CRACDL: variants seen among roughly 807,000 people sequenced by gnomAD.
CRACDL encodes CRACD-like protein.
Under a neutral mutation model 70.6 loss-of-function variants are expected in CRACDL, and 26 were observed. The observed-to-expected ratio is 0.37, with a 90% CI of 0.27 to 0.51. The LOEUF (loss-of-function observed/expected upper bound fraction) is 0.51. CRACDL is among the 20% of genes least tolerant of loss of function. The pLI, the probability that CRACDL is intolerant of heterozygous loss-of-function variation, is 0.94. For synonymous variants in CRACDL, 618 were observed against 615.2 expected, an observed-to-expected ratio of 1.00 and a Z score of -0.07; for missense variants, 1,283 against 1,376.9, an observed-to-expected ratio of 0.93 and a Z score of 1.08.
At chr2:98,809,037 C>T (rs1054219186) in intron 7 of CRACDL, among the ~76,000 whole-genome samples, 1 of 152,230 alleles carries the variant, frequency 6.6e-6, no homozygotes, top group Non-Finnish European at 1.5e-5. Context: ...AGACTTCCAG[C>T]ACCTTCTCAG....
intron 7 of CRACDL, among the ~76,000 whole-genome samples, chr2:98,817,896 G>C (rs1240432796): frequency 6.6e-6 from 1 of 151,896 alleles, no homozygotes; most frequent in African/African-American, 2.4e-5. Flanking sequence ...ACCAACATGT[G>C]ACCATGACTT....
chr2:98,853,663 T>A lies in CRACDL; in HGVS notation c.-10-6853A>T, dbSNP rs1273712507. 4.6e-5 allele frequency among the ~76,000 whole-genome samples: 7 copies of A among 152,182 alleles called. No individual in the cohort carries two copies. The East Asian group carries it at 1.3e-3, about 29-fold the overall frequency. On this transcript the variant is annotated intron_variant, in intron 1 of 9. Transcript: ENST00000397899. ...TTTTTCTTTTCTAAATTTATTTAAA[T>A]GCATATAACAACTAAAAAAACTATT...
chr2:98,806,729 C>A (rs979392456), intron 7 of CRACDL, among the ~76,000 whole-genome samples: 26 of 152,304 alleles, frequency 1.7e-4, no homozygotes, highest in African/African-American at 6.0e-4. Context: ...TTAAAAATAA[C>A]TTTGAGCTAG....
intron 1 of CRACDL, among the ~76,000 whole-genome samples, chr2:98,916,717 A>G (rs895137452): frequency 2.0e-5 from 3 of 152,038 alleles, no homozygotes; most frequent in African/African-American, 7.2e-5. Flanking sequence ...TTTTAATTTT[A>G]AAAGTTCTAT....
At chr2:98,858,954 T>C (rs1267689938) in intron 1 of CRACDL, among the ~76,000 whole-genome samples, 1 of 152,000 alleles carries the variant, frequency 6.6e-6, no homozygotes, top group African/African-American at 2.4e-5. Flanking sequence ...AAAAAGAAAG[T>C]TTGAATAGAC....
chr2:98,820,489 G>A (rs977658856), intron 7 of CRACDL, among the ~76,000 whole-genome samples: 3 of 152,158 alleles, frequency 2.0e-5, no homozygotes, highest in South Asian at 4.1e-4. Context: ...AGCCAAGATC[G>A]TACCACTGCA....
At chr2:98,856,463 G>A (rs1438307606) in intron 1 of CRACDL, among the ~76,000 whole-genome samples, 1 of 151,568 alleles carries the variant, frequency 6.6e-6, no homozygotes, top group East Asian at 1.9e-4. Flanking sequence ...AAATATTAAA[G>A]GAAGTTCTTC....
intron 1 of CRACDL, among the ~76,000 whole-genome samples, chr2:98,921,084 C>A (rs1708789917): frequency 6.6e-6 from 1 of 152,220 alleles, no homozygotes; most frequent in African/African-American, 2.4e-5. Flanking sequence ...GGTCCCAGAA[C>A]CTTTCCAACA....
intron 1 of CRACDL, among the ~76,000 whole-genome samples, chr2:98,877,572 C>T (rs1055501521): frequency 1.4e-4 from 22 of 151,958 alleles, no homozygotes; most frequent in African/African-American, 5.3e-4. Flanking sequence ...ATGGTGAAAA[C>T]CCCGTTACTA....
chr2:98,887,754 C>A (rs771674110), intron 1 of CRACDL, among the ~76,000 whole-genome samples: 1 of 152,008 alleles, frequency 6.6e-6, no homozygotes, highest in African/African-American at 2.4e-5. Flanking sequence ...ATCTGGAAAG[C>A]TGCAAGAGAG....
intron 1 of CRACDL, among the ~76,000 whole-genome samples, chr2:98,880,244 G>A (rs1156429301): frequency 6.6e-6 from 1 of 152,186 alleles, no homozygotes; most frequent in Non-Finnish European, 1.5e-5. Context: ...AGTGACCAGA[G>A]GAGGACGGGC....
chr2:98,818,505 C>T (rs369878077), intron 7 of CRACDL, among the ~76,000 whole-genome samples: 76 of 152,198 alleles, frequency 5.0e-4, no homozygotes, highest in African/African-American at 1.7e-3. Flanking sequence ...CTGTACATGC[C>T]CTGGAGGGAG....
At chr2:98,844,152 G>T (rs564382662) in intron 2 of CRACDL, among the ~76,000 whole-genome samples, 4 of 152,142 alleles carry the variant, frequency 2.6e-5, no homozygotes, top group African/African-American at 7.2e-5. Flanking sequence ...CTGCAATCTC[G>T]GTATATTTGT....
intron 3 of CRACDL, 126 bp from the exon 4 acceptor site, chr2:98,833,123 C>T: frequency 1.2e-6 from 1 of 860,596 alleles, no homozygotes. Flanking sequence ...GCTGCATTTA[C>T]ATTTCAGTGG....
chr2:98,879,734 C>G (rs1707588429), intron 1 of CRACDL, among the ~76,000 whole-genome samples: 3 of 152,192 alleles, frequency 2.0e-5, no homozygotes. Context: ...TTAGTAAACA[C>G]AGGGTTTCGC....
At chr2:98,913,992 C>T (rs75219741) in intron 1 of CRACDL, among the ~76,000 whole-genome samples, 10 of 152,344 alleles carry the variant, frequency 6.6e-5, no homozygotes, top group East Asian at 1.9e-4. Flanking sequence ...ATGGAAGCCT[C>T]GGCTGCCTCC....
rs766219898 is a variant in CRACDL at position 98,821,913 on chromosome 2, C to G, written c.2360G>C (p.Arg787Pro). Residue 787 changes from arginine (R) to proline (P), a missense_variant, in exon 7 of 10, where the codon CGG (arginine) becomes CCG (proline). By Grantham distance (103) the Arg-to-Pro change is moderately radical. Coordinates refer to ENST00000397899, the MANE Select transcript of CRACDL (RefSeq NM_207362.3). The stretch of plus-strand genomic sequence containing the variant: ...CGTCCTGGGCTCCTTCCTGGGTTCC[C>G]GCTCTCCCGGGCCGGCGTCGGGGGG... ...PAPPDAGPGE[R>P]EPRKEPRTAE... The G allele has an allele frequency of 5.0e-6, 8 of 1,598,834 alleles. No homozygotes were observed. In the South Asian group the frequency reaches 9.0e-5, roughly 18 times the overall value.
At chr2:98,888,214 C>T (rs1192869880) in intron 1 of CRACDL, among the ~76,000 whole-genome samples, 2 of 152,156 alleles carry the variant, frequency 1.3e-5, no homozygotes, top group African/African-American at 4.8e-5. Flanking sequence ...ATAAAGAGTA[C>T]TAGTTAAGGC....
chr2:98,882,030 G>C (rs1353498707), intron 1 of CRACDL, among the ~76,000 whole-genome samples: 2 of 152,240 alleles, frequency 1.3e-5, no homozygotes, highest in Admixed American at 6.5e-5. Flanking sequence ...CATGGTTGCT[G>C]TGTGGGGGCA....
Sources: allele counts gnomAD v4.1 joint callset (sites outside exome capture counted in the v4.1 genomes callset), GRCh38; gene constraint gnomAD v4.1.1; transcripts MANE v1.5; gene names NCBI Gene and HGNC (gene_info 2026-07-23, HGNC 2026-07-21).